Variants in RGS5 observed in about 807,000 individuals in gnomAD.
RGS5 encodes regulator of G protein signaling 5, also known as regulator of G-protein signalling 5.
In RGS5, 20 loss-of-function variants were observed where a neutral mutation model predicts 18.9. That is an observed-to-expected ratio of 1.06 (90% CI 0.74 to 1.54). The LOEUF is 1.54. Among genes scored for constraint, RGS5 ranks in the 40% most tolerant of loss-of-function variants. The pLI, the probability that RGS5 is intolerant of heterozygous loss-of-function variation, is 0.00. For synonymous variants in RGS5, 57 were observed against 76.2 expected (o/e 0.75, Z 1.31); for missense variants, 201 against 211.8 (o/e 0.95, Z 0.32).
At chr1:163,175,843 G>A (rs775234599) in intron 1 of RGS5, among the ~76,000 whole-genome samples, 4 of 151,998 alleles carry the variant, frequency 2.6e-5, no homozygotes, top group Non-Finnish European at 5.9e-5. Context: ...ATACTCCTCG[G>A]GTGCTCCAAA....
chr1:163,275,171 A>G (rs1221070209), intron 2 of RGS5, among the ~76,000 whole-genome samples: 1 of 152,038 alleles, frequency 6.6e-6, no homozygotes, highest in East Asian at 1.9e-4. Flanking sequence ...GTTTTTATTA[A>G]CCCCTAACTT....
At position 163,227,085 on chromosome 1, in the gene RGS5, C is replaced by T. The variant is rs551869057; in HGVS notation, c.-280-58717G>A. Among the ~76,000 whole-genome samples, 424 of 152,286 alleles carry T rather than the reference C, an allele frequency of 2.8e-3. 8 individuals are homozygous for T. Among genetic ancestry groups the T allele is most frequent in the Non-Finnish European group, 8.7e-4 (59 of 68,030 alleles). On this transcript the variant is annotated intron_variant, in intron 2 of 5. Coordinates refer to the RGS5 transcript ENST00000618415. The stretch of plus-strand genomic sequence containing the variant: ...TTAGCCTCTTAAATGTTTGCCATTC[C>T]TACACACTTGTCTTTATTAGTCTAT...
At chr1:163,295,179 G>C (rs114439130) in intron 2 of RGS5, among the ~76,000 whole-genome samples, 1,776 of 152,154 alleles carry the variant, frequency 0.012, 14 homozygotes, top group Non-Finnish European at 0.018. Flanking sequence ...CACATTCTCA[G>C]GTATCTTTAT....
rs567658507 is a variant in RGS5, at chr1:163,213,867, T to A, written c.69+3659A>T. 9.2e-5 allele frequency among the ~76,000 whole-genome samples: 14 copies of A among 152,232 alleles called. 1 individual carries two copies. The South Asian group carries it at 2.9e-3, about 32-fold the overall frequency. On this transcript the variant is annotated intron_variant, in intron 1 of 5. Transcript: ENST00000367903. ...TAGCTTTGCATCACTCCACCAATGA[T>A]TCACCCAGAATTTCGTCATTACCAG... is the stretch of plus-strand genomic sequence containing the variant.
intron 1 of RGS5, among the ~76,000 whole-genome samples, chr1:163,198,048 C>T (rs1286217187): frequency 6.6e-6 from 1 of 152,068 alleles, no homozygotes; most frequent in Non-Finnish European, 1.5e-5. Flanking sequence ...ATTAGTAGTC[C>T]TGCTTATTAG....
chr1:163,300,162 G>T (rs1649516978), intron 2 of RGS5, among the ~76,000 whole-genome samples: 1 of 152,202 alleles, frequency 6.6e-6, no homozygotes, highest in South Asian at 2.1e-4. Context: ...CTCCTGAAGT[G>T]TGAATGATGT....
At chr1:163,274,095 T>A (rs1312071215) in intron 2 of RGS5, among the ~76,000 whole-genome samples, 1 of 152,178 alleles carries the variant, frequency 6.6e-6, no homozygotes, top group Non-Finnish European at 1.5e-5. Flanking sequence ...GTTCCTGACA[T>A]AGAGCTCCTA....
intron 2 of RGS5, among the ~76,000 whole-genome samples, chr1:163,303,540 A>G (rs2101643758): frequency 6.6e-6 from 1 of 152,378 alleles, no homozygotes; most frequent in Non-Finnish European, 1.5e-5. Context: ...TCAAAACGTC[A>G]GAGAGCTATA....
At chr1:163,248,913 C>A (rs1648024743) in intron 2 of RGS5, among the ~76,000 whole-genome samples, 1 of 152,164 alleles carries the variant, frequency 6.6e-6, no homozygotes, top group African/African-American at 2.4e-5. Context: ...GAGGAGGAAG[C>A]TGAAGAATAG....
chr1:163,292,116 C>T (rs778650747), intron 2 of RGS5, among the ~76,000 whole-genome samples: 1 of 152,096 alleles, frequency 6.6e-6, no homozygotes, highest in African/African-American at 2.4e-5. Context: ...TCCCATCACC[C>T]AGGTATTAAG....
At position 163,151,089 on chromosome 1, in the gene RGS5, C is replaced by T. The variant is rs564948927; in HGVS notation, c.384+1461G>A. On this transcript the variant is annotated intron_variant, in intron 4 of 4. Transcript: ENST00000313961. ...GATGAACAGGGCTTGCTGTGGCCAT[C>T]CTGAATTCCACAATAGGCTTTCAAT... Among the ~76,000 whole-genome samples, 23 of 152,254 alleles carry T rather than the reference C, an allele frequency of 1.5e-4. No individual in the cohort carries two copies. The South Asian group carries it at 4.8e-3, about 32-fold the overall frequency.
chr1:163,205,382 C>T, upstream of RGS5, among the ~76,000 whole-genome samples: 1 of 141,248 alleles, frequency 7.1e-6, no homozygotes, highest in South Asian at 2.3e-4. Flanking sequence ...AGAGAGCCTA[C>T]TACGTAAAAT....
chr1:163,164,120 C>T (rs1246669719), intron 2 of RGS5, among the ~76,000 whole-genome samples: 1 of 152,156 alleles, frequency 6.6e-6, no homozygotes, highest in Non-Finnish European at 1.5e-5. Flanking sequence ...AAGTAGGATA[C>T]ATCCCCCACA....
In RGS5 at chr1:163,152,732, CAGTCAG is replaced by C; in HGVS notation, c.218-22_218-17del. ...GCAAGTCCATCTGGAAAGAAAAAAA[CAGTCAG>C]CTGGAGAAATTTATTAATTTACTTA... On this transcript the variant is annotated splice_polypyrimidine_tract_variant and intron_variant, in intron 3 of 4. Coordinates refer to ENST00000313961, the MANE Select transcript of RGS5 (RefSeq NM_003617.4). The C allele has an allele frequency of 6.4e-7, 1 of 1,564,368 alleles. No homozygotes were observed. The highest frequency in any genetic ancestry group is 8.6e-7 in the Non-Finnish European group (1 of 1,160,296).
intron 1 of RGS5, among the ~76,000 whole-genome samples, chr1:163,209,292 C>T (rs752429328): frequency 3.9e-5 from 6 of 152,256 alleles, no homozygotes; most frequent in East Asian, 3.9e-4. Flanking sequence ...TTTGTCCTTT[C>T]GATTACCAGT....
chr1:163,261,867 A>G (rs947464082), intron 2 of RGS5, among the ~76,000 whole-genome samples: 1 of 151,442 alleles, frequency 6.6e-6, no homozygotes, highest in Admixed American at 6.6e-5. Context: ...CTCTTAGTAA[A>G]TCTTTGCATT....
At chr1:163,254,055 G>A (rs956206349) in intron 2 of RGS5, among the ~76,000 whole-genome samples, 1 of 149,860 alleles carries the variant, frequency 6.7e-6, no homozygotes, top group Non-Finnish European at 1.5e-5. Flanking sequence ...TATCATTGCT[G>A]GACATTTGAG....
chr1:163,205,345 T>TAA (rs35747068), upstream of RGS5, among the ~76,000 whole-genome samples: 602 of 72,658 alleles, frequency 8.3e-3, 11 homozygotes, highest in Middle Eastern at 0.021. Context: ...TTAACCACAG[T>TAA]AAAAAAAAAA....
At chr1:163,290,452 C>T (rs2999864) in intron 2 of RGS5, among the ~76,000 whole-genome samples, 36,015 of 152,066 alleles carry the variant, frequency 0.24, 5,598 homozygotes, top group East Asian at 0.66. Context: ...TATTGCATAA[C>T]ATTTCTTCAT....
Sources: gnomAD v4.1 joint callset for allele counts (sites outside exome capture counted in the v4.1 genomes callset) on GRCh38, gnomAD v4.1.1 for gene constraint, MANE v1.5 for transcripts, NCBI Gene and HGNC (gene_info 2026-07-23, HGNC 2026-07-21) for gene names.